The following IAH1 variants were observed in gnomAD, a reference collection of about 807,000 sequenced individuals.
The protein encoded by IAH1 is isoamyl acetate-hydrolyzing esterase 1 homolog.
In IAH1, 24 loss-of-function variants were observed where a neutral mutation model predicts 26.7. The observed-to-expected ratio is 0.90, with a 90% CI of 0.65 to 1.26. IAH1 has a LOEUF of 1.26. Ranked by LOEUF, IAH1 falls within the 50% of genes most tolerant of loss-of-function variation. The pLI, the probability that IAH1 is intolerant of heterozygous loss-of-function variation, is 0.00. For synonymous variants in IAH1, 140 were observed against 118.5 expected (o/e 1.18, Z -1.18); for missense variants, 300 against 299.9 (o/e 1.00, Z 0.00).
At chr2:9,485,020 A>C (rs1173033491) in intron 5 of IAH1, 3 of 155,866 alleles carry the variant, frequency 1.9e-5, no homozygotes, top group Non-Finnish European at 2.8e-5. Flanking sequence ...CTGACTCAGG[A>C]GACAGCTGGT....
intron 2 of IAH1, among the ~76,000 whole-genome samples, chr2:9,477,816 T>C (rs549828902): frequency 1.4e-4 from 22 of 152,294 alleles, no homozygotes; most frequent in Admixed American, 5.9e-4. Context: ...AAATATTCTA[T>C]AGACTGTTTA....
intron 4 of IAH1, among the ~76,000 whole-genome samples, chr2:9,482,100 C>A (rs544562460): frequency 6.8e-6 from 1 of 147,336 alleles, no homozygotes; most frequent in East Asian, 2.0e-4. Flanking sequence ...GGCACGATCT[C>A]GGCTCACTGC....
chr2:9,478,468 C>A, intron 3 of IAH1, 98 bp downstream of exon 3: 1 of 1,174,228 alleles, frequency 8.5e-7, no homozygotes, highest in Non-Finnish European at 1.2e-6. Flanking sequence ...TTTACTTTCT[C>A]CCAATAGATA....
chr2:9,483,482 A>G (rs578067482), intron 4 of IAH1, among the ~76,000 whole-genome samples: 1 of 152,324 alleles, frequency 6.6e-6, no homozygotes, highest in African/African-American at 2.4e-5. Context: ...AATTGATCCC[A>G]AGTATGAATC....
In IAH1 at chr2:9,474,853, T is replaced by G. The variant is rs970526111; in HGVS notation, c.81+206T>G. ...CGGCGTCCCGGAGGTCACGACGGCG[T>G]CCGCGAGAGCCCGGGCTCCAGGCAC... On this transcript the variant is annotated intron_variant, in intron 1 of 5. Transcript: ENST00000497473. The surrounding 1 kb of genome is among the most constrained non-coding windows in gnomAD (Gnocchi z 4.3). 1 of 513,086 alleles carries G rather than the reference T, an allele frequency of 1.9e-6. No homozygotes were observed. The highest frequency in any genetic ancestry group is 3.0e-6 in the Non-Finnish European group (1 of 334,316). 31.8% of individuals were successfully genotyped at this position (513,086 alleles called of 1,614,324 possible).
chr2:9,477,095 G>A (rs924193888), intron 2 of IAH1, among the ~76,000 whole-genome samples: 4 of 152,202 alleles, frequency 2.6e-5, no homozygotes, highest in Non-Finnish European at 1.5e-5. Context: ...ATGGCTAGTC[G>A]CATTTTATAA....
intron 5 of IAH1, 50 bp from the exon 6 acceptor site, chr2:9,488,097 T>C (rs759168815): frequency 7.8e-7 from 1 of 1,276,784 alleles, no homozygotes; most frequent in South Asian, 1.5e-5. Context: ...AGGGGTGAGC[T>C]ACCACACGTG....
downstream of IAH1, chr2:9,490,390 C>T: frequency 3.1e-6 from 5 of 1,614,064 alleles, no homozygotes; most frequent in East Asian, 2.2e-5. Flanking sequence ...TCTGGTGGTC[C>T]AGTTTTGGAG....
chr2:9,490,987 G>GC (rs1558490581), downstream of IAH1: 1 of 920,728 alleles, frequency 1.1e-6, no homozygotes, highest in East Asian at 2.5e-5. Context: ...CCTTCCTGCT[G>GC]CAACATGACC....
chr2:9,503,998 CA>C, the IAH1 span, among the ~76,000 whole-genome samples: 204 of 151,524 alleles, frequency 1.3e-3, 1 homozygote, highest in African/African-American at 4.7e-3. Flanking sequence ...ATAAAAAATA[CA>C]AAAAAAATTA....
chr2:9,475,863 T>C, intron 1 of IAH1, 124 bp from the exon 2 acceptor site: 2 of 765,386 alleles, frequency 2.6e-6, no homozygotes, highest in South Asian at 1.6e-5. Flanking sequence ...AATGACCTCC[T>C]GGAGTGAAGC....
chr2:9,477,469 A>G (rs952537252), intron 2 of IAH1, among the ~76,000 whole-genome samples: 29 of 151,560 alleles, frequency 1.9e-4, no homozygotes, highest in African/African-American at 7.1e-4. Context: ...ATCCCAAATC[A>G]TATCATTTTA....
the IAH1 span, among the ~76,000 whole-genome samples, chr2:9,503,140 A>AAAAAAAAAAAAAGACAAGG: frequency 6.6e-6 from 1 of 150,540 alleles, no homozygotes; most frequent in South Asian, 2.1e-4. Context: ...ACTCTCTCAA[A>AAAAAAAAAAAAAGACAAGG]AAAAAAAAAA....
In IAH1 at chr2:9,488,464, G is replaced by GGAA. The variant is rs1661766114; in HGVS notation, c.*137_*139dup. The GGAA allele has an allele frequency of 4.6e-6, 3 of 645,810 alleles. No individual in the cohort carries two copies. Among genetic ancestry groups the GGAA allele is most frequent in the Admixed American group, 3.6e-5 (1 of 27,640 alleles). 40.0% of individuals were successfully genotyped at this position (645,810 alleles called of 1,614,324 possible). ...ATAAAAGTATTAGATGATTTTTCAG[G>GGAA]GAAGTTTTATACTTAGGTCCATTGT... On this transcript the variant is annotated 3_prime_UTR_variant, in exon 6 of 6. Coordinates refer to ENST00000497473, the MANE Select transcript of IAH1 (RefSeq NM_001039613.3).
At chr2:9,498,511 T>C (rs149328092), downstream of IAH1, among the ~76,000 whole-genome samples, 902 of 152,352 alleles carry the variant, frequency 5.9e-3, 8 homozygotes, top group African/African-American at 0.021. Context: ...GACTGGCCTT[T>C]CAGCTGAAGA....
At chr2:9,508,389 C>T in the IAH1 span, among the ~76,000 whole-genome samples, 2 of 152,186 alleles carry the variant, frequency 1.3e-5, no homozygotes, top group Admixed American at 6.5e-5. Flanking sequence ...TCTGCTCCCA[C>T]ACTGCTGTTT....
downstream of IAH1, chr2:9,494,489 C>T (rs1662405313): frequency 1.1e-6 from 1 of 904,266 alleles, no homozygotes; most frequent in African/African-American, 1.7e-5. Flanking sequence ...CCGTCTTCTC[C>T]TCCTAAGTAA....
Position 9,488,191 on chromosome 2 carries a change from G to A in IAH1, c.609G>A (p.Lys203=), listed in dbSNP as rs373100111. ...CAGATGGACTACATTTGTCTCCAAA[G>A]GGGAATGAATTTTTGTTCTCGCATC... ...YLSDGLHLSP[K]GNEFLFSHLW... The change falls in exon 6 of 6, where the codon AAG becomes AAA. Residue 203 remains lysine, a synonymous_variant. Transcript: ENST00000497473. The A allele has an allele frequency of 5.0e-6, 8 of 1,613,148 alleles. No homozygotes were observed. The highest frequency in any genetic ancestry group is 3.3e-5 in the South Asian group (3 of 90,940).
exon 6 of IAH1, chr2:9,494,745 C>T (rs1307929891): frequency 6.2e-7 from 1 of 1,613,978 alleles, no homozygotes; most frequent in African/African-American, 1.3e-5. Context: ...CCCTGCAGCA[C>T]ACCTTGCAGG....
Sources: allele counts gnomAD v4.1 joint callset (sites outside exome capture counted in the v4.1 genomes callset), GRCh38; gene constraint gnomAD v4.1.1; non-coding constraint Gnocchi (gnomAD v3.1); transcripts MANE v1.5; gene names NCBI Gene and HGNC (gene_info 2026-07-23, HGNC 2026-07-21).